The following MIB1 variants were observed in gnomAD, a reference collection of about 807,000 sequenced individuals.
MIB1 encodes MIB E3 ubiquitin protein ligase 1.
MIB1 carries 278 observed loss-of-function variants against 124.5 expected under a neutral mutation model. The observed-to-expected ratio is 2.23, with a 90% CI of 2.02 to 2.47. The LOEUF is 2.47. Ranked by LOEUF, MIB1 falls within the 30% of genes most tolerant of loss-of-function variation. MIB1 has a pLI of 0.00. For missense variants in MIB1, 957 were observed against 1,254.4 expected, an observed-to-expected ratio of 0.76 and a Z score of 3.58; for synonymous variants, 446 against 429.4, an observed-to-expected ratio of 1.04 and a Z score of -0.48.
chr18:21,838,364 G>T lies in MIB1; in HGVS notation c.1830-1G>T. On this transcript the variant is annotated splice_acceptor_variant, in intron 12 of 20. Transcript: ENST00000261537. LOFTEE classifies it high-confidence loss of function. ...AGAAATAATGTGAATTTAACTTTCA[G>T]TGCAATGCGTGTTTTACTATCTAAA... The T allele has an allele frequency of 6.3e-7, 1 of 1,579,840 alleles. No homozygotes were observed. Among genetic ancestry groups the T allele is most frequent in the Non-Finnish European group, 8.6e-7 (1 of 1,162,468 alleles).
intron 17 of MIB1, among the ~76,000 whole-genome samples, chr18:21,850,550 C>T (rs1023901406): frequency 2.0e-5 from 3 of 152,096 alleles, no homozygotes; most frequent in African/African-American, 4.8e-5. Context: ...TTTTTATGAT[C>T]CAAATTAATG....
Position 21,798,202 on chromosome 18 carries a change from G to T in MIB1, c.1211G>T (p.Gly404Val). ...GCAGTTTCCAAGGTGGCATCTGCAG[G>T]ATCAGCCATTAGCAATGCATCTGGT... ...PAAVSKVASA[G>V]SAISNASGER... The change falls in exon 8 of 21, where the codon GGA (glycine) becomes GTA (valine). Residue 404 changes from glycine (G) to valine (V), a missense_variant. Transcript: ENST00000261537. 1 of 1,613,122 alleles carries T rather than the reference G, an allele frequency of 6.2e-7. No homozygotes were observed. Among genetic ancestry groups the T allele is most frequent in the South Asian group, 1.1e-5 (1 of 91,022 alleles).
chr18:21,719,304 C>A (rs1379634326), intron 1 of MIB1, among the ~76,000 whole-genome samples: 3 of 151,934 alleles, frequency 2.0e-5, no homozygotes, highest in Non-Finnish European at 4.4e-5. Flanking sequence ...TCACTGCATT[C>A]CAGCCTGAGT....
chr18:21,856,698 G>A (rs9962761), intron 18 of MIB1, among the ~76,000 whole-genome samples: 2,547 of 152,104 alleles, frequency 0.017, 65 homozygotes, highest in African/African-American at 0.054. Context: ...TGCACGTTCC[G>A]CACATGTATC....
intron 1 of MIB1, among the ~76,000 whole-genome samples, chr18:21,719,240 G>T (rs1002099921): frequency 2.6e-5 from 4 of 151,940 alleles, no homozygotes; most frequent in Admixed American, 2.0e-4. Flanking sequence ...GGAGGCTGAG[G>T]TGGGAGGATT....
chr18:21,741,859 G>GGCGAGCT lies in MIB1; in HGVS notation c.229+51_229+57dup. On this transcript the variant is annotated intron_variant, in intron 1 of 20. Transcript: ENST00000261537. The surrounding 1 kb of genome is among the most constrained non-coding windows in gnomAD (Gnocchi z 5.4). ...AGGGCTTGCGCGCGCGGGGGGAAGG[G>GGCGAGCT]GCGAGCTGCGGTGGGCGTCGGTGTC... The GGCGAGCT allele has an allele frequency of 6.8e-7, 1 of 1,479,660 alleles. No individual in the cohort carries two copies. Among genetic ancestry groups the GGCGAGCT allele is most frequent in the African/African-American group, 1.4e-5 (1 of 71,392 alleles). The allele number at this position is 1,479,660 out of a possible 1,614,324, so 91.7% of individuals were successfully genotyped here. A position where few individuals can be genotyped will look rare whatever the true frequency, so the allele number is the denominator to read the frequency against.
chr18:21,791,369 T>C lies in MIB1; in HGVS notation c.909-5T>C, dbSNP rs1377634846. 1 of 1,603,030 alleles carries C rather than the reference T, an allele frequency of 6.2e-7. No homozygotes were observed. Among genetic ancestry groups the C allele is most frequent in the Non-Finnish European group, 8.5e-7 (1 of 1,174,220 alleles). ...CCATTTTGAGGTTTAGCTTTGCTCT[T>C]GTAGGTGGACCTTCAATCCTGCTGT... is the stretch of plus-strand genomic sequence containing the variant. On this transcript the variant is annotated splice_polypyrimidine_tract_variant and splice_region_variant and intron_variant, in intron 6 of 20. Transcript: ENST00000261537.
intron 1 of MIB1, among the ~76,000 whole-genome samples, chr18:21,729,785 C>T (rs889028456): frequency 6.6e-6 from 1 of 152,082 alleles, no homozygotes; most frequent in South Asian, 2.1e-4. Flanking sequence ...CCACTGCACC[C>T]AGCTCAAGCC....
At chr18:21,783,071 A>G (rs1448718766) in intron 6 of MIB1, among the ~76,000 whole-genome samples, 1 of 152,102 alleles carries the variant, frequency 6.6e-6, no homozygotes, top group Non-Finnish European at 1.5e-5. Flanking sequence ...TTTATCTGAT[A>G]TAAAAGTATA....
At chr18:21,820,351 G>T (rs1353612007) in intron 12 of MIB1, among the ~76,000 whole-genome samples, 1 of 152,126 alleles carries the variant, frequency 6.6e-6, no homozygotes, top group Non-Finnish European at 1.5e-5. Flanking sequence ...CCTGGACTAA[G>T]AAAAATCTTC....
rs577858201 is a variant in MIB1 at position 21,810,449 on chromosome 18, G to A, written c.1480-5167G>A. 3.3e-5 allele frequency among the ~76,000 whole-genome samples: 5 copies of A among 152,116 alleles called. No individual in the cohort carries two copies. The East Asian group carries it at 9.6e-4, about 29-fold the overall frequency. ...AAACAGCCAAAGCAATCTTGAGAAA[G>A]AACAGAAGTTGGAGGACTCACTCTT... On this transcript the variant is annotated intron_variant, in intron 10 of 20. Transcript: ENST00000261537.
intron 12 of MIB1, among the ~76,000 whole-genome samples, chr18:21,821,892 C>T (rs1050064018): frequency 1.3e-5 from 2 of 152,124 alleles, no homozygotes; most frequent in African/African-American, 2.4e-5. Context: ...TGAGCCACCG[C>T]GCCCTTCCTC....
chr18:21,844,304 C>T (rs1459128463), intron 15 of MIB1, 51 bp downstream of exon 15: 1 of 1,552,864 alleles, frequency 6.4e-7, no homozygotes, highest in African/African-American at 1.4e-5. Flanking sequence ...TCTTTTCATG[C>T]AAGATCTTAT....
rs1382705610 is a variant in MIB1, at chr18:21,741,595, C to G, written c.12C>G (p.Ser4=). 3 of 1,559,476 alleles carry G rather than the reference C, an allele frequency of 1.9e-6. No homozygotes were observed. The highest frequency in any genetic ancestry group is 3.9e-5 in the Admixed American group (2 of 51,282). ...CCGCCCGGGCCCCGATGAGTAACTC[C>G]CGGAATAACCGGGTGATGGTGGAAG... MSN[S]RNNRVMVEGV... is the part of the protein sequence containing the mutation. Residue 4 remains serine (S), a synonymous_variant, in exon 1 of 21, where the codon TCC becomes TCG. Coordinates refer to ENST00000261537, the MANE Select transcript of MIB1 (RefSeq NM_020774.4). The surrounding 1 kb of genome is among the most constrained non-coding windows in gnomAD (Gnocchi z 5.4).
chr18:21,838,305 CT>C, intron 12 of MIB1, 59 bp from the exon 13 acceptor site: 1 of 1,245,706 alleles, frequency 8.0e-7, no homozygotes, highest in Non-Finnish European at 1.1e-6. Flanking sequence ...TGATTGCAAA[CT>C]TTTCTTTTGA....
intron 1 of MIB1, among the ~76,000 whole-genome samples, chr18:21,706,174 C>T (rs1381378928): frequency 1.3e-5 from 2 of 152,142 alleles, no homozygotes; most frequent in South Asian, 2.1e-4. Context: ...CTCCACCTCC[C>T]GGGTTCACGT....
Position 21,741,956 on chromosome 18 carries a change from A to G in MIB1, c.229+144A>G. 1 of 713,878 alleles carries G rather than the reference A, an allele frequency of 1.4e-6. No individual in the cohort carries two copies. The highest frequency in any genetic ancestry group is 2.9e-5 in the East Asian group (1 of 34,586). The allele number at this position is 713,878 out of a possible 1,614,324, so 44.2% of individuals were successfully genotyped here. ...GGAGCGAGCGGAAAGGCAAAGCGCC[A>G]AAGGAATTCTAGGTTCCGAACGGGT... On this transcript the variant is annotated intron_variant, in intron 1 of 20. Transcript: ENST00000261537. This position sits in a 1 kb window ranked among gnomAD's most constrained non-coding sequence, Gnocchi z 5.4.
At chr18:21,840,326 T>G (rs1000505609) in intron 13 of MIB1, among the ~76,000 whole-genome samples, 2 of 152,062 alleles carry the variant, frequency 1.3e-5, no homozygotes, top group Non-Finnish European at 2.9e-5. Context: ...ATTACTTTTT[T>G]TATAGAAGTG....
chr18:21,864,722 G>C lies in MIB1; in HGVS notation c.*56G>C. The C allele has an allele frequency of 7.1e-7, 1 of 1,413,874 alleles. No individual in the cohort carries two copies. Among genetic ancestry groups the C allele is most frequent in the Non-Finnish European group, 9.8e-7 (1 of 1,020,648 alleles). The allele number at this position is 1,413,874 out of a possible 1,614,324, so 87.6% of individuals were successfully genotyped here. On this transcript the variant is annotated 3_prime_UTR_variant, in exon 21 of 21. Coordinates refer to ENST00000261537, the MANE Select transcript of MIB1 (RefSeq NM_020774.4). ...TGTATCTAGTCATGAGATCTTAATA[G>C]GCTTTTGATCTAGTTGGAAGTTCTG...
Sources: allele counts gnomAD v4.1 joint callset (sites outside exome capture counted in the v4.1 genomes callset), GRCh38; gene constraint gnomAD v4.1.1; non-coding constraint Gnocchi (gnomAD v3.1); transcripts MANE v1.5; gene names NCBI Gene and HGNC (gene_info 2026-07-23, HGNC 2026-07-21).